CHST3: variants seen among roughly 807,000 people sequenced by gnomAD.
CHST3 encodes the protein carbohydrate sulfotransferase 3.
Under a neutral mutation model 35.4 loss-of-function variants are expected in CHST3, and 20 were observed. That is an observed-to-expected ratio of 0.57 (90% CI 0.40 to 0.82). The LOEUF (loss-of-function observed/expected upper bound fraction) is 0.82, where lower values mean the gene tolerates loss of function less well. Ranked by LOEUF, CHST3 falls within the 40% of genes least tolerant of loss-of-function variation. CHST3 has a pLI of 0.00. For missense variants in CHST3, 693 were observed against 670.1 expected, an observed-to-expected ratio of 1.03 and a Z score of -0.38; for synonymous variants, 334 against 295.9, an observed-to-expected ratio of 1.13 and a Z score of -1.32.
At chr10:71,978,866 A>G (rs113244266) in intron 1 of CHST3, among the ~76,000 whole-genome samples, 1 of 152,240 alleles carries the variant, frequency 6.6e-6, no homozygotes. Flanking sequence ...CAAGAGCAGG[A>G]GTGTTTGAGG....
intron 1 of CHST3, among the ~76,000 whole-genome samples, chr10:71,964,989 G>A (rs776647001): frequency 3.2e-4 from 49 of 152,324 alleles, no homozygotes; most frequent in Admixed American, 7.8e-4. Context: ...GCCACACACC[G>A]AAATGCACAT....
chr10:71,982,701 A>G (rs1839812535), intron 1 of CHST3, among the ~76,000 whole-genome samples: 1 of 152,146 alleles, frequency 6.6e-6, no homozygotes, highest in African/African-American at 2.4e-5. Context: ...GTGGGCCATG[A>G]TCATGCCACT....
intron 1 of CHST3, among the ~76,000 whole-genome samples, chr10:71,976,350 C>T (rs894207940): frequency 3.9e-5 from 6 of 152,180 alleles, no homozygotes; most frequent in East Asian, 1.9e-4. Context: ...TGTGGGGACA[C>T]GGGTCTGCGG....
intron 1 of CHST3, among the ~76,000 whole-genome samples, chr10:72,004,290 C>A (rs143804963): frequency 3.4e-4 from 51 of 152,200 alleles, no homozygotes; most frequent in Middle Eastern, 6.8e-3. Flanking sequence ...TAATGAGGGG[C>A]CCAGATGAAC....
At chr10:72,006,660 C>A (rs962979748) in intron 2 of CHST3, among the ~76,000 whole-genome samples, 1 of 152,214 alleles carries the variant, frequency 6.6e-6, no homozygotes, top group Non-Finnish European at 1.5e-5. Flanking sequence ...GATTTCTTAG[C>A]CTGTTCTCCT....
In CHST3 at chr10:72,013,071, G is replaced by A. The variant is rs1242180575; in HGVS notation, c.*4600G>A. ...TTGCTGGGGGGATACAATGACCCAT[G>A]TGGTCTGCGTCTTCTGCCATTGGCT... On this transcript the variant is annotated 3_prime_UTR_variant, in exon 3 of 3. Coordinates refer to ENST00000373115, the MANE Select transcript of CHST3 (RefSeq NM_004273.5). The A allele has an allele frequency of 6.6e-6, 1 of 152,214 alleles. No individual in the cohort carries two copies. Among genetic ancestry groups the A allele is most frequent in the East Asian group, 1.9e-4 (1 of 5,190 alleles). The allele number at this position is 152,214 out of a possible 1,614,324, so 9.4% of individuals were successfully genotyped here.
At chr10:72,007,116 C>G in intron 2 of CHST3, 56 bp from the exon 3 acceptor site, 3 of 1,590,866 alleles carry the variant, frequency 1.9e-6, no homozygotes, top group Non-Finnish European at 2.6e-6. Flanking sequence ...CTTAGGGTTG[C>G]CCAGGAGACG....
intron 1 of CHST3, among the ~76,000 whole-genome samples, chr10:71,969,096 C>T (rs939425914): frequency 6.6e-5 from 10 of 152,202 alleles, no homozygotes; most frequent in African/African-American, 2.4e-4. Context: ...ACCCCTGCCA[C>T]GTGTTCTGGA....
At chr10:71,992,070 G>T (rs568840086) in intron 1 of CHST3, among the ~76,000 whole-genome samples, 1 of 152,180 alleles carries the variant, frequency 6.6e-6, no homozygotes, top group Non-Finnish European at 1.5e-5. Flanking sequence ...TTTAGCAAGC[G>T]ACTTGTAGTC....
At chr10:71,969,576 C>T (rs1366376176) in intron 1 of CHST3, among the ~76,000 whole-genome samples, 1 of 152,226 alleles carries the variant, frequency 6.6e-6, no homozygotes, top group Non-Finnish European at 1.5e-5. Context: ...AGGAAGCCCA[C>T]CTGGGTGAGT....
intron 1 of CHST3, among the ~76,000 whole-genome samples, chr10:71,980,421 T>C (rs1839789083): frequency 6.6e-6 from 1 of 151,586 alleles, no homozygotes; most frequent in Admixed American, 6.6e-5. Context: ...GGCATTCTGA[T>C]ATTTTCTAAT....
chr10:72,008,206 C>G lies in CHST3; in HGVS notation c.1175C>G (p.Pro392Arg), dbSNP rs1013403968. ...GAGATGTACCGCTTCGCCGGCATCC[C>G]CCTGACCCCGCAGGTGGAAGACTGG... ...AREMYRFAGI[P>R]LTPQVEDWIQ... Residue 392 changes from proline to arginine, a missense_variant, in exon 3 of 3, where the codon CCC (proline) becomes CGC (arginine). By Grantham distance (103) the Pro-to-Arg change is moderately radical. Coordinates refer to ENST00000373115, the MANE Select transcript of CHST3 (RefSeq NM_004273.5). 1 of 1,552,478 alleles carries G rather than the reference C, an allele frequency of 6.4e-7. No homozygotes were observed. Among genetic ancestry groups the G allele is most frequent in the Non-Finnish European group, 8.7e-7 (1 of 1,148,080 alleles).
intron 2 of CHST3, among the ~76,000 whole-genome samples, chr10:72,006,968 C>T (rs1386853879): frequency 6.6e-6 from 1 of 152,258 alleles, no homozygotes; most frequent in Middle Eastern, 3.2e-3. Context: ...CCTCTTTCCT[C>T]CCCTGCCTCA....
chr10:71,965,741 G>A (rs555474063), intron 1 of CHST3, among the ~76,000 whole-genome samples: 9 of 152,274 alleles, frequency 5.9e-5, no homozygotes, highest in Non-Finnish European at 1.0e-4. Context: ...CATTCATTAT[G>A]GACTCACTGT....
At chr10:71,997,962 A>G (rs535973963) in intron 1 of CHST3, among the ~76,000 whole-genome samples, 14 of 152,220 alleles carry the variant, frequency 9.2e-5, no homozygotes, top group African/African-American at 3.4e-4. Context: ...CACCACGCCC[A>G]GTCTCCATAA....
intron 1 of CHST3, among the ~76,000 whole-genome samples, chr10:71,982,032 C>T (rs1839805842): frequency 6.6e-6 from 1 of 152,180 alleles, no homozygotes. Flanking sequence ...GAAGCAGGTG[C>T]TTATGGGATG....
chr10:71,993,074 G>C (rs1839912637), intron 1 of CHST3, among the ~76,000 whole-genome samples: 1 of 152,160 alleles, frequency 6.6e-6, no homozygotes, highest in South Asian at 2.1e-4. Flanking sequence ...AATATTATGA[G>C]ATTTTCTTTG....
In CHST3 at chr10:72,008,307, G is replaced by C; in HGVS notation, c.1276G>C (p.Glu426Gln). 1.3e-6 allele frequency: 2 copies of C among 1,582,896 alleles called. No individual in the cohort carries two copies. Among genetic ancestry groups the C allele is most frequent in the Non-Finnish European group, 1.7e-6 (2 of 1,165,068 alleles). Residue 426 changes from glutamate (E) to glutamine (Q), a missense_variant, in exon 3 of 3, where the codon GAG becomes CAG. By Grantham distance (29) the Glu-to-Gln change is conservative. Coordinates refer to ENST00000373115, the MANE Select transcript of CHST3 (RefSeq NM_004273.5). Reference protein sequence around the residue: ...STQKNSSEQFEKWRFSMPFKL... With the variant: ...STQKNSSEQFQKWRFSMPFKL... ...GCAGAAGAACTCCTCGGAGCAGTTC[G>C]AGAAGTGGCGCTTCAGCATGCCCTT...
At chr10:71,981,126 C>T (rs536118671) in intron 1 of CHST3, among the ~76,000 whole-genome samples, 1 of 152,208 alleles carries the variant, frequency 6.6e-6, no homozygotes, top group East Asian at 1.9e-4. Flanking sequence ...CGTGACTGCC[C>T]CATGGGGAAG....
Sources: allele counts gnomAD v4.1 joint callset (sites outside exome capture counted in the v4.1 genomes callset), GRCh38; gene constraint gnomAD v4.1.1; transcripts MANE v1.5; gene names NCBI Gene and HGNC (gene_info 2026-07-23, HGNC 2026-07-21).